CHD2: variants seen among roughly 807,000 people sequenced by gnomAD.
CHD2 encodes ATP-dependent chromatin remodeler CHD2.
CHD2 carries 28 observed loss-of-function variants against 243.9 expected under a neutral mutation model. The observed-to-expected ratio is 0.11, with a 90% CI of 0.09 to 0.16. The LOEUF (loss-of-function observed/expected upper bound fraction) is 0.16, where lower values mean the gene tolerates loss of function less well. CHD2 is among the 10% of genes least tolerant of loss of function. CHD2 has a pLI of 1.00. For synonymous variants in CHD2, 775 were observed against 779.0 expected (o/e 0.99, Z 0.09); for missense variants, 1,386 against 2,209.8 (o/e 0.63, Z 7.47).
intron 37 of CHD2, among the ~76,000 whole-genome samples, chr15:93,016,509 C>T (rs2054462142): frequency 1.3e-5 from 2 of 152,108 alleles, no homozygotes; most frequent in African/African-American, 2.4e-5. Context: ...CTGATTGAGC[C>T]ATTCCATAAT....
At chr15:92,910,327 C>T (rs1471457819) in intron 2 of CHD2, among the ~76,000 whole-genome samples, 1 of 152,164 alleles carries the variant, frequency 6.6e-6, no homozygotes, top group Non-Finnish European at 1.5e-5. Context: ...AGTTAACCAA[C>T]TCACTAAATG....
chr15:92,918,044 C>G (rs1335701192), intron 2 of CHD2, among the ~76,000 whole-genome samples: 1 of 152,172 alleles, frequency 6.6e-6, no homozygotes, highest in African/African-American at 2.4e-5. Flanking sequence ...AAAATAAACA[C>G]TAAAGTGAAA....
At chr15:92,921,982 C>G (rs902933696) in intron 2 of CHD2, among the ~76,000 whole-genome samples, 7 of 152,184 alleles carry the variant, frequency 4.6e-5, no homozygotes, top group African/African-American at 1.7e-4. Context: ...GCTTTAGTCA[C>G]CTGGACTAGT....
At chr15:92,938,309 A>T (rs1303932778) in intron 6 of CHD2, among the ~76,000 whole-genome samples, 1 of 152,270 alleles carries the variant, frequency 6.6e-6, no homozygotes, top group Non-Finnish European at 1.5e-5. Flanking sequence ...CCTCAAAAAC[A>T]ATTCTGTTCT....
chr15:93,013,065 A>G (rs1393925132), intron 36 of CHD2, among the ~76,000 whole-genome samples: 1 of 152,216 alleles, frequency 6.6e-6, no homozygotes, highest in African/African-American at 2.4e-5. Flanking sequence ...ATGAAGACAG[A>G]GATTTTATGT....
intron 35 of CHD2, among the ~76,000 whole-genome samples, chr15:93,011,008 A>G (rs1262121323): frequency 2.6e-5 from 4 of 152,244 alleles, no homozygotes; most frequent in African/African-American, 4.8e-5. Flanking sequence ...TTAATTTTCA[A>G]AATGGTACTT....
Position 93,014,751 on chromosome 15 carries a change from C to T in CHD2, c.4748C>T (p.Ala1583Val), listed in dbSNP as rs759279030. 2 of 1,614,136 alleles carry T rather than the reference C, an allele frequency of 1.2e-6. No homozygotes were observed. Among genetic ancestry groups the T allele is most frequent in the Admixed American group, 3.3e-5 (2 of 60,022 alleles). ...GGTAAGAAACCATTTCGTCCAGAGG[C>T]CTCAGGCTCCAGCCGGGACTCTCTG... The part of the protein sequence containing the change: ...TGGKKPFRPE[A>V]SGSSRDSLIS... Residue 1583 changes from alanine to valine, a missense_variant, in exon 37 of 39, where the codon GCC (alanine) becomes GTC (valine). Ala to Val is a moderately conservative substitution (Grantham distance 64). Coordinates refer to ENST00000394196, the MANE Select transcript of CHD2 (RefSeq NM_001271.4).
chr15:92,974,917 G>A lies in CHD2; in HGVS notation c.2544G>A (p.Gln848=), dbSNP rs2053887752. The A allele has an allele frequency of 1.2e-6, 2 of 1,613,836 alleles. No homozygotes were observed. Among genetic ancestry groups the A allele is most frequent in the Non-Finnish European group, 8.5e-7 (1 of 1,179,762 alleles). The change falls in exon 20 of 39, where the codon CAG becomes CAA. Residue 848 remains glutamine, a synonymous_variant. Coordinates refer to ENST00000394196, the MANE Select transcript of CHD2 (RefSeq NM_001271.4). ...CCATCAAGGGAGAAATCCGAAAACA[G>A]GCACTGGACCACTTCAATGCAGATG... ...DGSIKGEIRK[Q]ALDHFNADGS... is the part of the protein sequence containing the mutation.
chr15:93,006,446 C>G (rs1225020481), intron 34 of CHD2, among the ~76,000 whole-genome samples: 1 of 152,126 alleles, frequency 6.6e-6, no homozygotes, highest in African/African-American at 2.4e-5. Flanking sequence ...TCTTACCTCC[C>G]AGACGTAACC....
intron 22 of CHD2, among the ~76,000 whole-genome samples, chr15:92,980,389 G>A (rs1336290662): frequency 6.6e-6 from 1 of 151,984 alleles, no homozygotes; most frequent in Admixed American, 6.6e-5. Context: ...ATTCAAATTA[G>A]CCCTTCCTAA....
chr15:93,009,099 AC>A (rs1481372593), intron 34 of CHD2, 45 bp from the exon 35 acceptor site: 20 of 1,595,712 alleles, frequency 1.3e-5, no homozygotes, highest in Non-Finnish European at 1.7e-5. Context: ...GACAAGACTT[AC>A]TTTCTGCAGA....
chr15:92,948,366 T>TA (rs1216279365), intron 12 of CHD2, among the ~76,000 whole-genome samples: 1 of 152,192 alleles, frequency 6.6e-6, no homozygotes, highest in Non-Finnish European at 1.5e-5. Context: ...AGACTCTGAC[T>TA]GCCATATAAT....
rs751355981 is a variant in CHD2 at position 92,942,943 on chromosome 15, C to G, written c.927C>G (p.Ile309Met). The G allele has an allele frequency of 3.1e-6, 5 of 1,613,944 alleles. No individual in the cohort carries two copies. In the South Asian group the frequency reaches 4.4e-5, roughly 14 times the overall value. The change falls in exon 9 of 39, where the codon ATC becomes ATG. Residue 309 changes from isoleucine (I) to methionine (M), a missense_variant. Coordinates refer to ENST00000394196, the MANE Select transcript of CHD2 (RefSeq NM_001271.4). ...ATGAAGGTGAAATCCAGTACCTCAT[C>G]AAGTGGAAGGGTTGGTCTTACATCC... Reference protein sequence around the residue: ...EKDEGEIQYLIKWKGWSYIHS... With the variant: ...EKDEGEIQYLMKWKGWSYIHS...
intron 16 of CHD2, among the ~76,000 whole-genome samples, chr15:92,957,933 C>T (rs930188995): frequency 6.6e-6 from 1 of 152,088 alleles, no homozygotes; most frequent in East Asian, 1.9e-4. Flanking sequence ...GCTTTTGTTT[C>T]CGGCTTCCTT....
intron 25 of CHD2, 57 bp from the exon 26 acceptor site, chr15:92,985,441 T>C: frequency 6.6e-7 from 1 of 1,522,480 alleles, no homozygotes; most frequent in South Asian, 1.3e-5. Flanking sequence ...CTCTTAGTCC[T>C]TTCACCACTT....
chr15:93,016,148 A>G (rs997036241), intron 37 of CHD2, among the ~76,000 whole-genome samples: 3 of 152,270 alleles, frequency 2.0e-5, no homozygotes, highest in African/African-American at 7.2e-5. Flanking sequence ...AAATGTGTAT[A>G]TACACAATCG....
chr15:92,951,275 A>G (rs1348509513), intron 13 of CHD2, among the ~76,000 whole-genome samples: 3 of 152,050 alleles, frequency 2.0e-5, no homozygotes, highest in Non-Finnish European at 2.9e-5. Context: ...GGTTCACGTG[A>G]TTCTCCTGCC....
rs2054139326 is a variant in CHD2 at position 92,992,918 on chromosome 15, G to A, written c.3515G>A (p.Arg1172His). The A allele has an allele frequency of 3.7e-6, 6 of 1,614,106 alleles. No homozygotes were observed. Among genetic ancestry groups the A allele is most frequent in the Non-Finnish European group, 5.1e-6 (6 of 1,180,026 alleles). The change falls in exon 28 of 39, where the codon CGC (arginine) becomes CAC (histidine). Residue 1172 changes from arginine to histidine, a missense_variant. By Grantham distance (29) the Arg-to-His change is conservative (BLOSUM62 0). Transcript: ENST00000394196. ...GATAAGTCGGTGGCAGATCTGAAGC[G>A]CCTGGGTGAACTGATCCACAACAGC... is the stretch of plus-strand genomic sequence containing the variant. Reference protein sequence around the residue: ...LVDKSVADLKRLGELIHNSCV... With the variant: ...LVDKSVADLKHLGELIHNSCV...
chr15:92,961,876 C>CTCTTTT lies in CHD2; in HGVS notation c.2000+5228_2000+5229insCTTTTT, dbSNP rs1555441358. 5.1e-5 allele frequency among the ~76,000 whole-genome samples: 4 copies of CTCTTTT among 78,640 alleles called. No homozygotes were observed. In the South Asian group the frequency reaches 2.1e-3, roughly 41 times the overall value. The allele number at this position is 78,640 out of a possible 152,430, so 51.6% of individuals were successfully genotyped here. On this transcript the variant is annotated intron_variant, in intron 16 of 38. Coordinates refer to ENST00000394196, the MANE Select transcript of CHD2 (RefSeq NM_001271.4). ...GGTTTCTTCCTCTGTTTTTTCTTCTCTTTTTTTTTTTTTTTTTTTTTTTGA... is the reference window on the plus strand; with the variant it reads ...GGTTTCTTCCTCTGTTTTTTCTTCTCTCTTTTTTTTTTTTTTTTTTTTTTTTTTTGA...
Sources: allele counts gnomAD v4.1 joint callset (sites outside exome capture counted in the v4.1 genomes callset), GRCh38; gene constraint gnomAD v4.1.1; transcripts MANE v1.5; gene names NCBI Gene and HGNC (gene_info 2026-07-23, HGNC 2026-07-21).